ZFR2: variants seen among roughly 807,000 people sequenced by gnomAD.
ZFR2 encodes zinc finger RNA binding protein 2, also known as zinc finger RNA-binding protein 2.
In ZFR2, 104 loss-of-function variants were observed where a neutral mutation model predicts 105.7. The ratio of observed to expected loss-of-function variants is 0.98; its 90% CI spans 0.84 to 1.16. The LOEUF is 1.16. ZFR2 is among the 50% of genes most tolerant of loss of function. The pLI is 0.00. For synonymous variants in ZFR2, 634 were observed against 597.7 expected, an observed-to-expected ratio of 1.06 and a Z score of -0.89; for missense variants, 1,425 against 1,355.5, an observed-to-expected ratio of 1.05 and a Z score of -0.80.
chr19:3,821,526 C>T (rs1283887849), intron 9 of ZFR2, 47 bp from the exon 10 acceptor site: 5 of 1,494,922 alleles, frequency 3.3e-6, no homozygotes, highest in Non-Finnish European at 4.5e-6. Flanking sequence ...TTGCTTTAGA[C>T]AGGGATGCCA....
chr19:3,866,960 A>T (rs2038437198), intron 1 of ZFR2, among the ~76,000 whole-genome samples: 1 of 152,076 alleles, frequency 6.6e-6, no homozygotes, highest in South Asian at 2.1e-4. Flanking sequence ...AAACAGATGC[A>T]CTCCTCATTC....
At position 3,855,564 on chromosome 19, in the gene ZFR2, G is replaced by A. The variant is rs796695312; in HGVS notation, c.53+13401C>T. On this transcript the variant is annotated intron_variant, in intron 1 of 18. Transcript: ENST00000262961. ...GTCCCGTCCTCCAGGAGGGTGCTGC[G>A]CGATAGTCCAGGGAGACACGGGGTC... 40 of 731,886 alleles carry A rather than the reference G, an allele frequency of 5.5e-5. No homozygotes were observed. The African/African-American group carries it at 6.6e-4, about 12-fold the overall frequency. The allele number at this position is 731,886 out of a possible 1,614,324, so 45.3% of individuals were successfully genotyped here.
At chr19:3,865,230 C>A (rs1022328391) in intron 1 of ZFR2, among the ~76,000 whole-genome samples, 1 of 152,086 alleles carries the variant, frequency 6.6e-6, no homozygotes, top group African/African-American at 2.4e-5. Flanking sequence ...TTTTCTTATG[C>A]CTTCAAGAGT....
intron 1 of ZFR2, chr19:3,855,716 G>A (rs2038290760): frequency 2.9e-6 from 1 of 350,442 alleles, no homozygotes. Context: ...GAGGAGGAGG[G>A]TGAAGACACA....
intron 14 of ZFR2, 142 bp from the exon 15 acceptor site, chr19:3,811,508 G>T: frequency 1.4e-6 from 1 of 711,430 alleles, no homozygotes; most frequent in East Asian, 3.0e-5. Context: ...AGGCTGGAGT[G>T]CAGTGGCATG....
At chr19:3,832,726 C>T (rs983344021) in intron 3 of ZFR2, among the ~76,000 whole-genome samples, 4 of 151,596 alleles carry the variant, frequency 2.6e-5, no homozygotes, top group African/African-American at 7.3e-5. Context: ...CAGCTCAGTT[C>T]CTGGGCTCAG....
chr19:3,815,365 C>T (rs1426582097), intron 13 of ZFR2, among the ~76,000 whole-genome samples: 1 of 152,220 alleles, frequency 6.6e-6, no homozygotes, highest in Non-Finnish European at 1.5e-5. Context: ...GTTGGGATTA[C>T]AGGCATGAGC....
In ZFR2 at chr19:3,806,086, C is replaced by T; in HGVS notation, c.2683G>A (p.Val895Ile). The change falls in exon 19 of 19, where the codon GTC (valine) becomes ATC (isoleucine). Residue 895 changes from valine (V) to isoleucine (I), a missense_variant. Coordinates refer to ENST00000262961, the MANE Select transcript of ZFR2 (RefSeq NM_015174.2). The stretch of plus-strand genomic sequence containing the variant: ...GGCGGCAGGAGATCCATGCCCAGGA[C>T]CTTGTGGGTCTGCCGGAAGGCCAGC... The part of the protein sequence containing the change: ...RMLAFRQTHK[V>I]LGMDLLPPRH... The T allele has an allele frequency of 6.7e-7, 1 of 1,501,038 alleles. No individual in the cohort carries two copies. Among genetic ancestry groups the T allele is most frequent in the Non-Finnish European group, 8.9e-7 (1 of 1,125,184 alleles). 93.0% of individuals were successfully genotyped at this position (1,501,038 alleles called of 1,614,324 possible).
At chr19:3,827,413 T>C in intron 6 of ZFR2, 58 bp downstream of exon 6, 1 of 1,453,964 alleles carries the variant, frequency 6.9e-7, no homozygotes, top group Admixed American at 2.7e-5. Flanking sequence ...GGGTCCCAAG[T>C]GCTGACCTGG....
At position 3,827,627 on chromosome 19, in the gene ZFR2, C is replaced by T; in HGVS notation, c.879G>A (p.Gln293=). The change falls in exon 6 of 19, where the codon CAG becomes CAA. Residue 293 remains glutamine, a synonymous_variant. Transcript: ENST00000262961. ...PQTYREHLGG[Q]KHRKKEAAQK... ...GGGCCGCCTCCTTCTTTCTGTGCTT[C>T]TGCCCTCCCAGATGTTCCCGGTAGG... 1 of 1,584,218 alleles carries T rather than the reference C, an allele frequency of 6.3e-7. No individual in the cohort carries two copies. The highest frequency in any genetic ancestry group is 1.2e-5 in the South Asian group (1 of 86,472).
In ZFR2 at chr19:3,805,973, C is replaced by G. The variant is rs1450860478; in HGVS notation, c.2796G>C (p.Arg932=). 1 of 1,539,312 alleles carries G rather than the reference C, an allele frequency of 6.5e-7. No homozygotes were observed. Residue 932 remains arginine, a synonymous_variant, in exon 19 of 19, where the codon CGG becomes CGC. Transcript: ENST00000262961. The part of the protein sequence containing the change: ...EEGAGEKKRG[R]RGGEGLV ...CTCACACGAGCCCCTCTCCGCCCCG[C>G]CGGCCCCGCTTCTTCTCCCCTGCGC... is the stretch of plus-strand genomic sequence containing the variant.
intron 12 of ZFR2, among the ~76,000 whole-genome samples, chr19:3,817,162 C>T (rs190535468): frequency 3.3e-5 from 5 of 152,274 alleles, no homozygotes; most frequent in South Asian, 2.1e-4. Flanking sequence ...GTGGCTCCCG[C>T]GTTCACGGAC....
At chr19:3,832,242 C>G (rs1349291987) in intron 3 of ZFR2, among the ~76,000 whole-genome samples, 1 of 152,128 alleles carries the variant, frequency 6.6e-6, no homozygotes, top group Non-Finnish European at 1.5e-5. Flanking sequence ...TAGGCCCACA[C>G]CTGGCAGAGA....
chr19:3,813,803 G>T lies in ZFR2; in HGVS notation c.2242+17C>A. On this transcript the variant is annotated intron_variant, in intron 14 of 18. Coordinates refer to ENST00000262961, the MANE Select transcript of ZFR2 (RefSeq NM_015174.2). This position sits in a 1 kb window ranked among gnomAD's most constrained non-coding sequence, Gnocchi z 4.4. ...GCGTGAGGGGGACAGTGGTTGGAAG[G>T]AAGGGCTGGGCCGCACCTGGGTCTG... The T allele has an allele frequency of 1.2e-6, 2 of 1,613,032 alleles. No homozygotes were observed. Among genetic ancestry groups the T allele is most frequent in the Non-Finnish European group, 1.7e-6 (2 of 1,179,480 alleles).
At chr19:3,852,207 G>T in intron 1 of ZFR2, 1 of 508,010 alleles carries the variant, frequency 2.0e-6, no homozygotes. Context: ...GCTCAGCTGG[G>T]TGGCAATCCT....
intron 1 of ZFR2, among the ~76,000 whole-genome samples, chr19:3,860,026 C>A (rs1324639799): frequency 6.6e-6 from 1 of 151,954 alleles, no homozygotes; most frequent in Non-Finnish European, 1.5e-5. Flanking sequence ...CGGGAAGATA[C>A]CAAAAGGACT....
At chr19:3,840,230 T>C (rs1011579505) in intron 1 of ZFR2, among the ~76,000 whole-genome samples, 6 of 151,558 alleles carry the variant, frequency 4.0e-5, no homozygotes, top group Non-Finnish European at 8.8e-5. Flanking sequence ...AGCTCTTTTT[T>C]GTTTGCTTGT....
intron 1 of ZFR2, among the ~76,000 whole-genome samples, chr19:3,864,491 A>G (rs1276290794): frequency 6.6e-6 from 1 of 152,254 alleles, no homozygotes; most frequent in Non-Finnish European, 1.5e-5. Context: ...ATGCAAAGGC[A>G]CAGCTAGCCG....
At chr19:3,817,295 A>C (rs1273856448) in intron 12 of ZFR2, among the ~76,000 whole-genome samples, 2 of 152,028 alleles carry the variant, frequency 1.3e-5, no homozygotes, top group East Asian at 3.9e-4. Flanking sequence ...GCAGTGGCTC[A>C]CGCCTGTAAT....
Sources: gnomAD v4.1 joint callset for allele counts (sites outside exome capture counted in the v4.1 genomes callset) on GRCh38, gnomAD v4.1.1 for gene constraint, Gnocchi (gnomAD v3.1) non-coding constraint, MANE v1.5 for transcripts, NCBI Gene and HGNC (gene_info 2026-07-23, HGNC 2026-07-21) for gene names.